ZNF418: variants seen among roughly 807,000 people sequenced by gnomAD.
ZNF418 encodes the protein zinc finger protein 418.
A neutral mutation model predicts 32.0 loss-of-function variants in ZNF418; 32 were observed. That is an observed-to-expected ratio of 1.00 (90% CI 0.75 to 1.34). The LOEUF (loss-of-function observed/expected upper bound fraction) is 1.34. Among genes scored for constraint, ZNF418 ranks in the 40% most tolerant of loss-of-function variants. The pLI is 0.00. For missense variants in ZNF418, 804 were observed against 812.5 expected (o/e 0.99, Z 0.13); for synonymous variants, 276 against 270.7 (o/e 1.02, Z -0.19).
rs372756652 is a variant in ZNF418 at position 57,926,114 on chromosome 19, A to T, written c.*36T>A. 4.0e-5 allele frequency: 61 copies of T among 1,538,596 alleles called. 1 individual carries two copies. Among genetic ancestry groups the T allele is most frequent in the Non-Finnish European group, 5.3e-5 (60 of 1,127,016 alleles). ...AAGAACCCTCTGATCAAGAAGATGCACAGAGGTTTAGCTAAAGAATTTCCC... is the reference window on the plus strand; with the variant it reads ...AAGAACCCTCTGATCAAGAAGATGCTCAGAGGTTTAGCTAAAGAATTTCCC... On this transcript the variant is annotated 3_prime_UTR_variant, in exon 4 of 6. Transcript: ENST00000396147.
chr19:57,934,308 G>A lies in ZNF418; in HGVS notation c.-80-406C>T, dbSNP rs376235860. ...TGGCTCACCGCAACCTCTGCCTCCC[G>A]AGTTCAAGCAATTCTCCTGCCTTAG... On this transcript the variant is annotated intron_variant, in intron 1 of 5. Transcript: ENST00000396147. The A allele has an allele frequency of 6.0e-5, 44 of 737,520 alleles. No homozygotes were observed. In the East Asian group the frequency reaches 3.1e-3, roughly 52 times the overall value. 45.7% of individuals were successfully genotyped at this position (737,520 alleles called of 1,614,324 possible). A position where few individuals can be genotyped will look rare whatever the true frequency, so the allele number is the denominator to read the frequency against.
rs2072026675 is a variant in ZNF418, at chr19:57,922,329, T to C, written c.*926A>G. 2 of 367,668 alleles carry C rather than the reference T, an allele frequency of 5.4e-6. No homozygotes were observed. Among genetic ancestry groups the C allele is most frequent in the Admixed American group, 4.6e-5 (1 of 21,796 alleles). The allele number at this position is 367,668 out of a possible 1,614,324, so 22.8% of individuals were successfully genotyped here. A position where few individuals can be genotyped will look rare whatever the true frequency, so the allele number is the denominator to read the frequency against. ...TCAATCGAGAAGAGAGGGGAGGGTA[T>C]GCAAAATAAAAATGTTAGAAAATGG... On this transcript the variant is annotated 3_prime_UTR_variant, in exon 6 of 6. Coordinates refer to ENST00000396147, the MANE Select transcript of ZNF418 (RefSeq NM_133460.3).
rs758946712 is a variant in ZNF418, at chr19:57,927,598, G to C, written c.583C>G (p.Pro195Ala). 2 of 1,614,146 alleles carry C rather than the reference G, an allele frequency of 1.2e-6. No homozygotes were observed. The highest frequency in any genetic ancestry group is 4.5e-5 in the East Asian group (2 of 44,880). ...TAATGAGTATCTCCCCACTGAAAGG[G>C]AGACTCACACTCAGGTTTGCTGTTT... The part of the protein sequence containing the change: ...KSNSKPECES[P>A]FQWGDTHYSC... The change falls in exon 4 of 6, where the codon CCC becomes GCC. Residue 195 changes from proline (P) to alanine (A), a missense_variant. By Grantham distance (27) the Pro-to-Ala change is conservative. This residue lies in a region of ZNF418 where 307 missense variants were observed against 304.9 expected (regional missense o/e 1.01). Coordinates refer to ENST00000396147, the MANE Select transcript of ZNF418 (RefSeq NM_133460.3).
At position 57,929,182 on chromosome 19, in the gene ZNF418, T is replaced by C. The variant is rs547980189; in HGVS notation, c.134-1135A>G. Among the ~76,000 whole-genome samples, 15 of 152,234 alleles carry C rather than the reference T, an allele frequency of 9.9e-5. No individual in the cohort carries two copies. In the South Asian group the frequency reaches 2.7e-3, roughly 27 times the overall value. Reference sequence around the variant, plus strand: ...GAGTACAAGTGACAAGGTGTACAACTGACAAATCTGATGCTCTCAAGAATG... The same window carrying C: ...GAGTACAAGTGACAAGGTGTACAACCGACAAATCTGATGCTCTCAAGAATG... On this transcript the variant is annotated intron_variant, in intron 3 of 5. Transcript: ENST00000396147.
At chr19:57,928,696 C>A (rs551001784) in intron 3 of ZNF418, among the ~76,000 whole-genome samples, 1 of 152,094 alleles carries the variant, frequency 6.6e-6, no homozygotes, top group East Asian at 1.9e-4. Flanking sequence ...AACAGTTTAA[C>A]AATTTGCACA....
chr19:57,927,835 C>T lies in ZNF418; in HGVS notation c.346G>A (p.Gly116Arg). Residue 116 changes from glycine (G) to arginine (R), a missense_variant, in exon 4 of 6, where the codon GGG becomes AGG. Gly to Arg is a moderately radical substitution (Grantham distance 125). Transcript: ENST00000396147. ...KQKLHRCEAW[G>R]NKLYDSSNRP... ...TTTGAACTATCATACAATTTATTCC[C>T]CCATGCCTCACACCTGTGCAGTTTC... 1.2e-6 allele frequency: 2 copies of T among 1,614,016 alleles called. No individual in the cohort carries two copies. Among genetic ancestry groups the T allele is most frequent in the Non-Finnish European group, 1.7e-6 (2 of 1,179,936 alleles).
At chr19:57,932,186 G>A (rs1292189337) in intron 2 of ZNF418, among the ~76,000 whole-genome samples, 2 of 152,210 alleles carry the variant, frequency 1.3e-5, no homozygotes, top group Non-Finnish European at 2.9e-5. Context: ...TTGAAACCCA[G>A]TACAAAGTAT....
intron 4 of ZNF418, among the ~76,000 whole-genome samples, chr19:57,924,189 C>A (rs12983829): frequency 0.29 from 43,488 of 151,512 alleles, 6,397 homozygotes; most frequent in Non-Finnish European, 0.31. Context: ...TTTTGACAAA[C>A]ATGCTTGACA....
At chr19:57,925,516 C>G (rs1387110959) in intron 4 of ZNF418, 107 bp downstream of exon 4, 1 of 151,996 alleles carries the variant, frequency 6.6e-6, no homozygotes, top group Non-Finnish European at 1.5e-5. Context: ...AAAGGTAGTC[C>G]ATCTTTTCAA....
In ZNF418 at chr19:57,933,006, G is replaced by A. The variant is rs891191112; in HGVS notation, c.6+811C>T. Among the ~76,000 whole-genome samples, 4 of 152,042 alleles carry A rather than the reference G, an allele frequency of 2.6e-5. 1 individual carries two copies. The highest frequency in any genetic ancestry group is 9.7e-5 in the African/African-American group (4 of 41,360). On this transcript the variant is annotated intron_variant, in intron 2 of 5. Transcript: ENST00000396147. ...CTTCTCCTGTGGCAATGTCAGCCAG[G>A]GACCCAAGCAAGAAATTCAGCCCTC...
chr19:57,926,244 G>A lies in ZNF418; in HGVS notation c.1937C>T (p.Pro646Leu). 1 of 1,613,906 alleles carries A rather than the reference G, an allele frequency of 6.2e-7. No individual in the cohort carries two copies. Among genetic ancestry groups the A allele is most frequent in the Non-Finnish European group, 8.5e-7 (1 of 1,179,908 alleles). Residue 646 changes from proline (P) to leucine (L), a missense_variant, in exon 4 of 6, where the codon CCT (proline) becomes CTT (leucine). Transcript: ENST00000396147. ...TTTTCCACATTCACTGCACTCATAA[G>A]GCCTTTCTCCAGTGTGTACTCTCCT... is the stretch of plus-strand genomic sequence containing the variant. ...EHRRVHTGER[P>L]YECSECGKSF...
intron 1 of ZNF418, chr19:57,934,771 T>C (rs914993296): frequency 1.5e-5 from 4 of 261,090 alleles, no homozygotes; most frequent in African/African-American, 6.7e-5. Flanking sequence ...CCTTTGGCCT[T>C]TGGGAAACCT....
intron 2 of ZNF418, among the ~76,000 whole-genome samples, chr19:57,931,202 A>G (rs1416219290): frequency 1.3e-5 from 2 of 151,720 alleles, no homozygotes; most frequent in East Asian, 1.9e-4. Context: ...CTAAATACAC[A>G]TCCTTCTTTT....
chr19:57,926,715 T>G lies in ZNF418; in HGVS notation c.1466A>C (p.Lys489Thr). 1 of 1,614,148 alleles carries G rather than the reference T, an allele frequency of 6.2e-7. No individual in the cohort carries two copies. Among genetic ancestry groups the G allele is most frequent in the Middle Eastern group, 1.6e-4 (1 of 6,062 alleles). Residue 489 changes from lysine (K) to threonine (T), a missense_variant, in exon 4 of 6, where the codon AAA (lysine) becomes ACA (threonine). Lys to Thr is a moderately conservative substitution (Grantham distance 78). Around this residue, in one of 3 missense-constraint regions of ZNF418, gnomAD observed 475 missense variants for 458.6 expected, o/e 1.04. Transcript: ENST00000396147. ...ERPYECNECG[K>T]SFQDSSGFRV... ...AAACCCAGAGCTGTCTTGAAATGAT[T>G]TCCCACATTCATTACATTCATATGG...
At position 57,933,891 on chromosome 19, in the gene ZNF418, G is replaced by T; in HGVS notation, c.-69C>A. On this transcript the variant is annotated 5_prime_UTR_variant, in exon 2 of 6. It adds an upstream start codon to the 5' untranslated region. Transcript: ENST00000396147. The stretch of plus-strand genomic sequence containing the variant: ...AACACAGTGTGTTCTCTTCTTTGCA[G>T]CCAGATGATGCCTGCAGACAAATGG... 1 of 1,613,458 alleles carries T rather than the reference G, an allele frequency of 6.2e-7. No individual in the cohort carries two copies. The highest frequency in any genetic ancestry group is 1.1e-5 in the South Asian group (1 of 91,068).
Position 57,927,104 on chromosome 19 carries a change from TTGAA to T in ZNF418, c.1073_1076del (p.Ile358AsnfsTer27), listed in dbSNP as rs764896668. 1.3e-4 allele frequency: 209 copies of T among 1,613,728 alleles called. No individual in the cohort carries two copies. Among genetic ancestry groups the T allele is most frequent in the Non-Finnish European group, 1.7e-4 (198 of 1,179,966 alleles). Reference sequence around the variant, plus strand: ...TTTCACTAGTGTGACCTCGTTGATGTTGAATGAGATTGCCCTTCTGAGTAAAACA... The same window carrying T: ...TTTCACTAGTGTGACCTCGTTGATGTTGAGATTGCCCTTCTGAGTAAAACA... On this transcript the variant is annotated frameshift_variant, in exon 4 of 6. Coordinates refer to ENST00000396147, the MANE Select transcript of ZNF418 (RefSeq NM_133460.3). LOFTEE classifies it low-confidence loss of function (END_TRUNC).
chr19:57,924,950 C>T (rs983644726), intron 4 of ZNF418, among the ~76,000 whole-genome samples: 1 of 152,172 alleles, frequency 6.6e-6, no homozygotes, highest in Non-Finnish European at 1.5e-5. Flanking sequence ...ATTCTGTCAT[C>T]ATACTGTCCC....
At chr19:57,934,021 T>C (rs1242495287) in intron 1 of ZNF418, 119 bp from the exon 2 acceptor site, 2 of 1,492,954 alleles carry the variant, frequency 1.3e-6, no homozygotes, top group East Asian at 2.4e-5. Context: ...ACCTTCAAAG[T>C]ATGTTTACAT....
Position 57,927,463 on chromosome 19 carries a change from T to G in ZNF418, c.718A>C (p.Ser240Arg), listed in dbSNP as rs779481596. 4 of 1,614,138 alleles carry G rather than the reference T, an allele frequency of 2.5e-6. No individual in the cohort carries two copies. The South Asian group carries it at 4.4e-5, about 18-fold the overall frequency. ...CYCWECGKSFSKYDSVSNHQR... is the reference protein window; with the variant it reads ...CYCWECGKSFRKYDSVSNHQR... ...TGATTACTGACGCTATCATATTTGC[T>G]AAAGGATTTCCCACATTCCCAGCAA... The change falls in exon 4 of 6, where the codon AGC (serine) becomes CGC (arginine). Residue 240 changes from serine (S) to arginine (R), a missense_variant. By Grantham distance (110) the Ser-to-Arg change is moderately radical. Coordinates refer to ENST00000396147, the MANE Select transcript of ZNF418 (RefSeq NM_133460.3).
Sources: allele counts gnomAD v4.1 joint callset (sites outside exome capture counted in the v4.1 genomes callset), GRCh38; gene constraint gnomAD v4.1.1; regional missense constraint gnomAD v4.1.1; transcripts MANE v1.5; gene names NCBI Gene and HGNC (gene_info 2026-07-23, HGNC 2026-07-21).